Variants in SNTB2 observed in about 807,000 individuals in gnomAD.
The protein encoded by SNTB2 is beta-2-syntrophin.
In SNTB2, 34 loss-of-function variants were observed where a neutral mutation model predicts 46.2. The observed-to-expected ratio is 0.74, with a 90% confidence interval of 0.56 to 0.98. The LOEUF is 0.98. Among genes scored for constraint, SNTB2 ranks in the 50% least tolerant of loss-of-function variants. The pLI is 0.00. For missense variants in SNTB2, 603 were observed against 731.4 expected (o/e 0.82, Z 2.02); for synonymous variants, 290 against 312.6 (o/e 0.93, Z 0.76).
rs151154278 is a variant in SNTB2 at position 69,218,008 on chromosome 16, A to G, written c.581-27594A>G. Among the ~76,000 whole-genome samples the G allele has an allele frequency of 6.3e-3, 967 of 152,314 alleles. 13 individuals are homozygous for G. Among genetic ancestry groups the G allele is most frequent in the African/African-American group, 0.021 (887 of 41,566 alleles). The stretch of plus-strand genomic sequence containing the variant: ...GTGTGTGTGGTGGCAGGTGGTAAAC[A>G]CAATACACTTGGAGTTAATAGTTAT... On this transcript the variant is annotated intron_variant, in intron 1 of 6. Coordinates refer to ENST00000336278, the MANE Select transcript of SNTB2 (RefSeq NM_006750.4).
intron 4 of SNTB2, among the ~76,000 whole-genome samples, chr16:69,275,879 G>A (rs866646549): frequency 2.6e-5 from 4 of 152,148 alleles, no homozygotes; most frequent in Non-Finnish European, 5.9e-5. Context: ...GTTGATTGTA[G>A]TTCAAAATCA....
At chr16:69,292,374 AT>A (rs1965171146) in intron 5 of SNTB2, among the ~76,000 whole-genome samples, 1 of 40,694 alleles carries the variant, frequency 2.5e-5, no homozygotes, top group African/African-American at 1.2e-4. Flanking sequence ...ATATATATAT[AT>A]ATATTATATA....
At chr16:69,266,228 G>A (rs1332252872) in intron 3 of SNTB2, among the ~76,000 whole-genome samples, 1 of 152,152 alleles carries the variant, frequency 6.6e-6, no homozygotes, top group African/African-American at 2.4e-5. Context: ...GCCGGGCATG[G>A]TGGCGGACGC....
intron 1 of SNTB2, among the ~76,000 whole-genome samples, chr16:69,244,567 C>T (rs141465624): frequency 3.2e-4 from 48 of 152,238 alleles, no homozygotes; most frequent in African/African-American, 1.1e-3. Context: ...CCTCGAGTGA[C>T]AGTAATTGTA....
At chr16:69,296,796 CA>C (rs1246490776) in intron 5 of SNTB2, among the ~76,000 whole-genome samples, 2 of 151,728 alleles carry the variant, frequency 1.3e-5, no homozygotes, top group Non-Finnish European at 2.9e-5. Context: ...CACGTGAGGT[CA>C]GGAGTTTGAG....
chr16:69,296,789 G>A (rs976432719), intron 5 of SNTB2, among the ~76,000 whole-genome samples: 4 of 143,562 alleles, frequency 2.8e-5, no homozygotes, highest in Admixed American at 6.9e-5. Flanking sequence ...GGCAGATCAC[G>A]TGAGGTCAGG....
chr16:69,281,278 C>G (rs959571158), intron 4 of SNTB2, among the ~76,000 whole-genome samples: 7 of 151,256 alleles, frequency 4.6e-5, no homozygotes, highest in African/African-American at 1.7e-4. Flanking sequence ...GTCCCCCAGG[C>G]TGGAGTGCAA....
chr16:69,221,366 A>C (rs909551093), intron 1 of SNTB2, among the ~76,000 whole-genome samples: 6 of 152,104 alleles, frequency 3.9e-5, no homozygotes, highest in Admixed American at 3.9e-4. Flanking sequence ...AATTCTCTGA[A>C]ATTTTTATCT....
At chr16:69,204,883 T>C (rs1025931876) in intron 1 of SNTB2, among the ~76,000 whole-genome samples, 1 of 152,216 alleles carries the variant, frequency 6.6e-6, no homozygotes, top group African/African-American at 2.4e-5. Flanking sequence ...AATGCACTCA[T>C]GGAAGTGAAA....
intron 1 of SNTB2, among the ~76,000 whole-genome samples, chr16:69,198,137 G>A (rs1038522026): frequency 3.5e-5 from 5 of 144,380 alleles, no homozygotes; most frequent in Non-Finnish European, 7.5e-5. Context: ...GGGGAACAGA[G>A]CCTCGCTCTG....
chr16:69,232,502 C>CTTTTTTTTTTTTTTTTT (rs1032986410), intron 1 of SNTB2, among the ~76,000 whole-genome samples: 7 of 63,884 alleles, frequency 1.1e-4, no homozygotes, highest in Non-Finnish European at 2.1e-4. Flanking sequence ...ACGGTGCGGC[C>CTTTTTTTTTTTTTTTTT]TTTTTTTTTT....
In SNTB2 at chr16:69,198,037, A is replaced by G. The variant is rs1964121101; in HGVS notation, c.580+10291A>G. On this transcript the variant is annotated intron_variant, in intron 1 of 6. Coordinates refer to ENST00000336278, the MANE Select transcript of SNTB2 (RefSeq NM_006750.4). ...AAGACTAAAGTGAATTCTGGAAACC[A>G]TTCTTCACCAGAGATGTTTTGATAT... Among the ~76,000 whole-genome samples the G allele has an allele frequency of 2.0e-5, 3 of 151,954 alleles. No individual in the cohort carries two copies. In the South Asian group the frequency reaches 6.2e-4, roughly 32 times the overall value.
At position 69,255,002 on chromosome 16, in the gene SNTB2, CT is replaced by C. The variant is rs1964759995; in HGVS notation, c.795-5046del. Among the ~76,000 whole-genome samples the C allele has an allele frequency of 2.0e-5, 3 of 152,016 alleles. No individual in the cohort carries two copies. In the South Asian group the frequency reaches 6.2e-4, roughly 32 times the overall value. On this transcript the variant is annotated intron_variant, in intron 2 of 6. Transcript: ENST00000336278. ...GATGACTTCTGTGTGTAGTCTCATT[CT>C]TCTTGCATTCAATTAAATCTCACCA...
In SNTB2 at chr16:69,284,034, G is replaced by A; in HGVS notation, c.1149-14G>A. ...TGTAGTTACTTTTGATCTCTGCTCT[G>A]TTTGTGGTCCTAGGTTGGTTCATTC... On this transcript the variant is annotated splice_polypyrimidine_tract_variant and intron_variant, in intron 4 of 6. Transcript: ENST00000336278. 6.3e-7 allele frequency: 1 copy of A among 1,592,820 alleles called. No homozygotes were observed. Among genetic ancestry groups the A allele is most frequent in the Admixed American group, 1.7e-5 (1 of 57,772 alleles).
chr16:69,297,117 C>G (rs892662806), intron 5 of SNTB2, among the ~76,000 whole-genome samples: 2 of 151,244 alleles, frequency 1.3e-5, no homozygotes, highest in Non-Finnish European at 2.9e-5. Context: ...CCAGCCTGGG[C>G]AAGATGGCAA....
In SNTB2 at chr16:69,223,321, T is replaced by A. The variant is rs958531636; in HGVS notation, c.581-22281T>A. The stretch of plus-strand genomic sequence containing the variant: ...GATTCTCCTGCCTCAGCCTCCCAAG[T>A]AGCTGAGATTACAGGCGCCCCAGCC... On this transcript the variant is annotated intron_variant, in intron 1 of 6. Transcript: ENST00000336278. Among the ~76,000 whole-genome samples the A allele has an allele frequency of 5.3e-5, 8 of 151,690 alleles. No homozygotes were observed. In the South Asian group the frequency reaches 1.7e-3, roughly 32 times the overall value.
At chr16:69,293,985 C>T (rs568420441) in intron 5 of SNTB2, among the ~76,000 whole-genome samples, 5 of 152,190 alleles carry the variant, frequency 3.3e-5, no homozygotes, top group Non-Finnish European at 5.9e-5. Context: ...AGTTATAGGC[C>T]ACTTTTATGT....
chr16:69,264,023 T>C (rs950185407), intron 3 of SNTB2, among the ~76,000 whole-genome samples: 1 of 151,886 alleles, frequency 6.6e-6, no homozygotes, highest in Non-Finnish European at 1.5e-5. Flanking sequence ...GGTCTTGAAT[T>C]CCTGGGCTCA....
At chr16:69,285,123 A>G (rs898462575) in intron 5 of SNTB2, among the ~76,000 whole-genome samples, 1 of 152,158 alleles carries the variant, frequency 6.6e-6, no homozygotes, top group African/African-American at 2.4e-5. Flanking sequence ...CATTTCTCCA[A>G]ACATATTCTT....
Sources: gnomAD v4.1 joint callset for allele counts (sites outside exome capture counted in the v4.1 genomes callset) on GRCh38, gnomAD v4.1.1 for gene constraint, MANE v1.5 for transcripts, NCBI Gene and HGNC (gene_info 2026-07-23, HGNC 2026-07-21) for gene names.